Variants in LCORL observed in about 807,000 individuals in gnomAD.
LCORL encodes the protein ligand dependent nuclear receptor corepressor like.
Under a neutral mutation model 141.8 loss-of-function variants are expected in LCORL, and 41 were observed. The observed-to-expected ratio is 0.29, with a 90% CI of 0.23 to 0.38. LCORL has a LOEUF of 0.38. LCORL is among the 10% of genes least tolerant of loss of function. The pLI is 1.00. For missense variants in LCORL, 1,759 were observed against 2,035.0 expected (o/e 0.86, Z 2.61); for synonymous variants, 618 against 694.1 (o/e 0.89, Z 1.72).
chr4:17,912,799 C>T (rs1292052306), intron 4 of LCORL: 3 of 427,376 alleles, frequency 7.0e-6, no homozygotes, highest in Non-Finnish European at 1.4e-5. Context: ...TCCTGCCAAA[C>T]ATCAAGGTCA....
chr4:17,866,197 A>G (rs889558895), intron 7 of LCORL, among the ~76,000 whole-genome samples: 22 of 151,862 alleles, frequency 1.4e-4, no homozygotes, highest in African/African-American at 5.3e-4. Flanking sequence ...CCTTCTTCCT[A>G]CCCTACTGGT....
At chr4:17,888,213 C>A (rs1728563437) in intron 5 of LCORL, among the ~76,000 whole-genome samples, 1 of 152,000 alleles carries the variant, frequency 6.6e-6, no homozygotes, top group Admixed American at 6.6e-5. Context: ...TTTCAAAGAA[C>A]TGGAAAAATT....
At chr4:17,901,328 A>G (rs1176391377) in intron 5 of LCORL, among the ~76,000 whole-genome samples, 1 of 151,988 alleles carries the variant, frequency 6.6e-6, no homozygotes, top group African/African-American at 2.4e-5. Context: ...TACCAAACAG[A>G]TAATTATGTA....
intron 2 of LCORL, among the ~76,000 whole-genome samples, chr4:17,968,085 T>G (rs1715263907): frequency 6.6e-6 from 1 of 152,156 alleles, no homozygotes; most frequent in African/African-American, 2.4e-5. Context: ...TTCAAGCTCC[T>G]GACCTCAAGT....
At chr4:17,958,578 A>C (rs1049997374) in intron 4 of LCORL, among the ~76,000 whole-genome samples, 10 of 152,002 alleles carry the variant, frequency 6.6e-5, no homozygotes, top group Admixed American at 5.2e-4. Flanking sequence ...GTTTATCAAC[A>C]TTCCAAACAA....
At chr4:18,006,003 T>G (rs1722746722) in intron 1 of LCORL, among the ~76,000 whole-genome samples, 1 of 152,312 alleles carries the variant, frequency 6.6e-6, no homozygotes, top group Non-Finnish European at 1.5e-5. Flanking sequence ...AACTTTCTTT[T>G]TTTCACATTG....
chr4:18,003,183 G>A (rs1394040853), intron 1 of LCORL, among the ~76,000 whole-genome samples: 1 of 152,106 alleles, frequency 6.6e-6, no homozygotes, highest in Non-Finnish European at 1.5e-5. Flanking sequence ...GTTGAGAGCA[G>A]AGCAAAGTAC....
At chr4:17,931,948 G>A (rs1451767022) in intron 4 of LCORL, among the ~76,000 whole-genome samples, 1 of 152,092 alleles carries the variant, frequency 6.6e-6, no homozygotes, top group Non-Finnish European at 1.5e-5. Flanking sequence ...CTGTTTAGGA[G>A]GATGGTTGCT....
intron 5 of LCORL, among the ~76,000 whole-genome samples, chr4:17,898,247 A>C (rs891325231): frequency 1.3e-5 from 2 of 152,160 alleles, no homozygotes; most frequent in African/African-American, 2.4e-5. Flanking sequence ...TTCACTAAGA[A>C]TGTATAGTCA....
chr4:17,870,246 G>C (rs1215557911), intron 7 of LCORL, among the ~76,000 whole-genome samples: 1 of 152,150 alleles, frequency 6.6e-6, no homozygotes, highest in Non-Finnish European at 1.5e-5. Flanking sequence ...CAAGCAAGGT[G>C]TGGGCTACCA....
chr4:17,920,904 C>T (rs1039103369), intron 4 of LCORL, among the ~76,000 whole-genome samples: 1 of 152,224 alleles, frequency 6.6e-6, no homozygotes, highest in Non-Finnish European at 1.5e-5. Flanking sequence ...TCTGCAGCTG[C>T]TTCCTCTTGA....
At chr4:17,981,467 T>C (rs1337998084) in intron 1 of LCORL, among the ~76,000 whole-genome samples, 1 of 152,170 alleles carries the variant, frequency 6.6e-6, no homozygotes, top group East Asian at 1.9e-4. Context: ...TACTTTCAGA[T>C]TTCCTTCAGC....
chr4:17,859,489 C>T (rs1400981893), intron 7 of LCORL, among the ~76,000 whole-genome samples: 3 of 152,034 alleles, frequency 2.0e-5, no homozygotes, highest in East Asian at 1.9e-4. Context: ...CAACAGCAGA[C>T]GTGCACTACA....
chr4:18,012,395 T>G (rs886213352), intron 1 of LCORL, among the ~76,000 whole-genome samples: 1 of 152,202 alleles, frequency 6.6e-6, no homozygotes, highest in African/African-American at 2.4e-5. Context: ...ATCTAATGTC[T>G]AATTTTGGCC....
chr4:17,920,009 A>G (rs916909476), intron 4 of LCORL, among the ~76,000 whole-genome samples: 2 of 152,220 alleles, frequency 1.3e-5, no homozygotes, highest in South Asian at 2.1e-4. Context: ...TCCACACTCC[A>G]TTCCCCATGC....
At chr4:18,011,766 G>A (rs1405961107) in intron 1 of LCORL, among the ~76,000 whole-genome samples, 1 of 152,170 alleles carries the variant, frequency 6.6e-6, no homozygotes, top group East Asian at 1.9e-4. Flanking sequence ...CAGTGGAGGT[G>A]AGTAGCTGCA....
intron 1 of LCORL, among the ~76,000 whole-genome samples, chr4:17,976,411 T>C (rs544096319): frequency 6.6e-6 from 1 of 152,294 alleles, no homozygotes; most frequent in East Asian, 1.9e-4. Context: ...ATAAACTTAA[T>C]AGCCATACCT....
At chr4:17,899,049 T>C (rs987557807) in intron 5 of LCORL, among the ~76,000 whole-genome samples, 2 of 152,216 alleles carry the variant, frequency 1.3e-5, no homozygotes, top group African/African-American at 4.8e-5. Flanking sequence ...TTAGAGTATT[T>C]TCCTATGTTT....
intron 5 of LCORL, among the ~76,000 whole-genome samples, chr4:17,890,345 G>A (rs758708358): frequency 7.2e-5 from 11 of 151,994 alleles, no homozygotes; most frequent in Non-Finnish European, 1.5e-4. Flanking sequence ...AATATTTAAA[G>A]CACACAAAAC....
Sources: gnomAD v4.1 joint callset for allele counts (sites outside exome capture counted in the v4.1 genomes callset) on GRCh38, gnomAD v4.1.1 for gene constraint, MANE v1.5 for transcripts, NCBI Gene and HGNC (gene_info 2026-07-23, HGNC 2026-07-21) for gene names.